CAND2: variants seen among roughly 807,000 people sequenced by gnomAD.
CAND2 encodes the protein cullin associated and neddylation dissociated 2 (putative), also known as cullin-associated NEDD8-dissociated protein 2.
CAND2 carries 62 observed loss-of-function variants against 98.9 expected under a neutral mutation model. The observed-to-expected ratio is 0.63, with a 90% CI of 0.51 to 0.77. CAND2 has a LOEUF of 0.77. CAND2 is among the 30% of genes least tolerant of loss of function. The pLI, the probability that CAND2 is intolerant of heterozygous loss-of-function variation, is 0.00. For synonymous variants in CAND2, 770 were observed against 731.9 expected, an observed-to-expected ratio of 1.05 and a Z score of -0.84; for missense variants, 1,501 against 1,655.2, an observed-to-expected ratio of 0.91 and a Z score of 1.62.
rs1378305584 is a variant in CAND2, at chr3:12,827,616, C to T, written c.3375+12C>T. ...ACTACGACATCCGGGTAAGACCAAG[C>T]CCCCTGCCAGATCTATGTGCCCCTG... On this transcript the variant is annotated intron_variant, in intron 13 of 14. Transcript: ENST00000456430. The T allele has an allele frequency of 1.9e-6, 3 of 1,596,570 alleles. No homozygotes were observed. The highest frequency in any genetic ancestry group is 2.6e-6 in the Non-Finnish European group (3 of 1,169,366).
chr3:12,820,034 C>A, intron 10 of CAND2, 52 bp from the exon 11 acceptor site: 1 of 1,423,476 alleles, frequency 7.0e-7, no homozygotes, highest in Non-Finnish European at 9.9e-7. Flanking sequence ...GATCTGTGAG[C>A]CTCCAGGATT....
chr3:12,804,257 C>T (rs761022133), intron 2 of CAND2, among the ~76,000 whole-genome samples: 2 of 151,936 alleles, frequency 1.3e-5, no homozygotes, highest in African/African-American at 2.4e-5. Flanking sequence ...AGTTTGAGAC[C>T]AGCCTGACCA....
chr3:12,812,219 A>ATTTTTTTTTTTTTTTTTT (rs1575768881), intron 5 of CAND2, among the ~76,000 whole-genome samples: 1 of 45,668 alleles, frequency 2.2e-5, no homozygotes, highest in African/African-American at 1.1e-4. Context: ...TAAGCTGTTT[A>ATTTTTTTTTTTTTTTTTT]TCTTTTTTTT....
chr3:12,797,771 T>TCC (rs2061736906), intron 1 of CAND2, among the ~76,000 whole-genome samples: 1 of 79,714 alleles, frequency 1.3e-5, no homozygotes, highest in Non-Finnish European at 2.4e-5. Context: ...GTAGGTTCAG[T>TCC]CACAGCGAGG....
chr3:12,829,920 G>A (rs1367585294), intron 13 of CAND2, among the ~76,000 whole-genome samples: 3 of 152,250 alleles, frequency 2.0e-5, no homozygotes, highest in Non-Finnish European at 4.4e-5. Flanking sequence ...TGCTACACAT[G>A]TATGTTATTT....
At chr3:12,827,120 T>C (rs1001650453) in intron 12 of CAND2, among the ~76,000 whole-genome samples, 1 of 152,224 alleles carries the variant, frequency 6.6e-6, no homozygotes, top group African/African-American at 2.4e-5. Flanking sequence ...CGTGAACCAC[T>C]GTGCCTGGCC....
In CAND2 at chr3:12,820,135, C is replaced by G. The variant is rs1224670894; in HGVS notation, c.2994C>G (p.Ile998Met). The change falls in exon 11 of 15, where the codon ATC becomes ATG. Residue 998 changes from isoleucine to methionine, a missense_variant. Transcript: ENST00000456430. ...STVITAVKFL[I>M]SDQPHPIDPL... ...TCATCACAGCGGTCAAGTTCCTTAT[C>G]TCGGACCAGCCCCATCCCATTGACC... 1 of 1,614,092 alleles carries G rather than the reference C, an allele frequency of 6.2e-7. No homozygotes were observed. Among genetic ancestry groups the G allele is most frequent in the Non-Finnish European group, 8.5e-7 (1 of 1,180,026 alleles).
At position 12,817,629 on chromosome 3, in the gene CAND2, C is replaced by T; in HGVS notation, c.2697C>T (p.Phe899=). 1 of 1,613,634 alleles carries T rather than the reference C, an allele frequency of 6.2e-7. No individual in the cohort carries two copies. Among genetic ancestry groups the T allele is most frequent in the Non-Finnish European group, 8.5e-7 (1 of 1,179,976 alleles). ...GCAGCCTGCCCGACTTCCTGCCCTTCCTGCTGGAGCAGATCGAGGCTGAGC... is the reference window on the plus strand; with the variant it reads ...GCAGCCTGCCCGACTTCCTGCCCTTTCTGCTGGAGCAGATCGAGGCTGAGC... ...GAGSLPDFLP[F]LLEQIEAEPR... The change falls in exon 10 of 15, where the codon TTC becomes TTT. Residue 899 remains phenylalanine (F), a synonymous_variant. Coordinates refer to ENST00000456430, the MANE Select transcript of CAND2 (RefSeq NM_001162499.2).
chr3:12,807,294 C>T lies in CAND2; in HGVS notation c.213-12C>T. The T allele has an allele frequency of 6.4e-7, 1 of 1,550,504 alleles. No individual in the cohort carries two copies. The highest frequency in any genetic ancestry group is 8.7e-7 in the Non-Finnish European group (1 of 1,146,174). On this transcript the variant is annotated splice_polypyrimidine_tract_variant and intron_variant, in intron 2 of 14. Coordinates refer to ENST00000456430, the MANE Select transcript of CAND2 (RefSeq NM_001162499.2). ...TTGTGCCCTTGGATTCACCTTCCCACTCCCTGCTCAGCCTGGGTCCTCTGG... is the reference window on the plus strand; with the variant it reads ...TTGTGCCCTTGGATTCACCTTCCCATTCCCTGCTCAGCCTGGGTCCTCTGG...
At chr3:12,827,382 C>G in intron 12 of CAND2, 58 bp from the exon 13 acceptor site, 2 of 1,510,736 alleles carry the variant, frequency 1.3e-6, no homozygotes. Flanking sequence ...GTAGCAGAAG[C>G]TAGAAGAGGT....
intron 1 of CAND2, among the ~76,000 whole-genome samples, chr3:12,800,169 C>CAGTCAG (rs2061755609): frequency 6.6e-6 from 1 of 152,206 alleles, no homozygotes; most frequent in African/African-American, 2.4e-5. Flanking sequence ...GAGGTGGGCA[C>CAGTCAG]AGTCAGTCCT....
At chr3:12,797,585 T>G (rs187556334) in intron 1 of CAND2, among the ~76,000 whole-genome samples, 1 of 152,276 alleles carries the variant, frequency 6.6e-6, no homozygotes, top group African/African-American at 2.4e-5. Context: ...CCAATGAGTT[T>G]CCACCTGCAT....
intron 3 of CAND2, 21 bp from the exon 4 acceptor site, chr3:12,808,189 C>T: frequency 1.3e-6 from 2 of 1,550,218 alleles, no homozygotes; most frequent in Non-Finnish European, 1.7e-6. Context: ...CCTCACTGTG[C>T]CCACCTTGTG....
Position 12,810,238 on chromosome 3 carries a change from G to A in CAND2, c.671G>A (p.Gly224Asp). ...LADHLLDRLPGPRVPTSPTAI... is the reference protein window; with the variant it reads ...LADHLLDRLPDPRVPTSPTAI... ...GACCACCTACTGGACCGGCTGCCCG[G>A]CCCGCGGGTGCCCACCAGCCCGACT... Residue 224 changes from glycine (G) to aspartate (D), a missense_variant, in exon 5 of 15, where the codon GGC becomes GAC. By Grantham distance (94) the Gly-to-Asp change is moderately conservative. Transcript: ENST00000456430. 1 of 1,528,540 alleles carries A rather than the reference G, an allele frequency of 6.5e-7. No homozygotes were observed. 94.7% of individuals were successfully genotyped at this position (1,528,540 alleles called of 1,614,324 possible).
chr3:12,814,601 G>A (rs1575770748), intron 7 of CAND2, among the ~76,000 whole-genome samples: 2 of 152,228 alleles, frequency 1.3e-5, no homozygotes, highest in African/African-American at 2.4e-5. Flanking sequence ...AGAGATCGGG[G>A]GAGAGAAGAG....
chr3:12,811,730 C>T (rs1330779222), intron 5 of CAND2, among the ~76,000 whole-genome samples: 1 of 151,980 alleles, frequency 6.6e-6, no homozygotes, highest in Admixed American at 6.6e-5. Flanking sequence ...CGCTACCATA[C>T]CCAGCTAATT....
intron 11 of CAND2, among the ~76,000 whole-genome samples, chr3:12,821,727 A>G (rs1225019471): frequency 1.3e-5 from 2 of 152,090 alleles, no homozygotes; most frequent in African/African-American, 4.8e-5. Flanking sequence ...GCCCTTTAAT[A>G]TACCTCATCA....
At position 12,827,733 on chromosome 3, in the gene CAND2, T is replaced by G. The variant is rs576626347; in HGVS notation, c.3375+129T>G. On this transcript the variant is annotated intron_variant, in intron 13 of 14. Transcript: ENST00000456430. ...CAATGAAAATAGCTGCATTGTTGTT[T>G]TCTGATAAGAAAAGGAACCTGTGTC... 1,430 of 895,324 alleles carry G rather than the reference T, an allele frequency of 1.6e-3. 13 individuals carry two copies. The African/African-American group carries it at 0.018, about 11-fold the overall frequency. 55.5% of individuals were successfully genotyped at this position (895,324 alleles called of 1,614,324 possible).
intron 1 of CAND2, among the ~76,000 whole-genome samples, chr3:12,800,617 G>A (rs1184919581): frequency 6.6e-6 from 1 of 152,168 alleles, no homozygotes; most frequent in Non-Finnish European, 1.5e-5. Context: ...CTGGGGAGAG[G>A]GCAGCCACAA....
Sources: allele counts gnomAD v4.1 joint callset (sites outside exome capture counted in the v4.1 genomes callset), GRCh38; gene constraint gnomAD v4.1.1; transcripts MANE v1.5; gene names NCBI Gene and HGNC (gene_info 2026-07-23, HGNC 2026-07-21).